ADAM12: variants seen among roughly 807,000 people sequenced by gnomAD.
The protein encoded by ADAM12 is ADAM metallopeptidase domain 12.
Under a neutral mutation model 106.4 loss-of-function variants are expected in ADAM12, and 70 were observed. The observed-to-expected ratio is 0.66, with a 90% confidence interval of 0.54 to 0.80. The LOEUF (loss-of-function observed/expected upper bound fraction) is 0.80, where lower values mean the gene tolerates loss of function less well. Among genes scored for constraint, ADAM12 ranks in the 30% least tolerant of loss-of-function variants. The pLI, the probability that ADAM12 is intolerant of heterozygous loss-of-function variation, is 0.00. For missense variants in ADAM12, 1,010 were observed against 1,171.9 expected (o/e 0.86, Z 2.02); for synonymous variants, 420 against 433.5 (o/e 0.97, Z 0.39).
chr10:126,081,562 A>C (rs1397785613), intron 11 of ADAM12, among the ~76,000 whole-genome samples: 1 of 152,204 alleles, frequency 6.6e-6, no homozygotes, highest in African/African-American at 2.4e-5. Context: ...CAGATTGGGC[A>C]GACCCAGGAG....
At chr10:126,197,494 C>T (rs1461873439) in intron 3 of ADAM12, among the ~76,000 whole-genome samples, 1 of 152,180 alleles carries the variant, frequency 6.6e-6, no homozygotes, top group East Asian at 1.9e-4. Flanking sequence ...CAGTCGTGTG[C>T]TTCCCTCCTG....
chr10:126,121,616 C>T (rs891824700), intron 5 of ADAM12, among the ~76,000 whole-genome samples: 2 of 149,402 alleles, frequency 1.3e-5, no homozygotes, highest in African/African-American at 2.5e-5. Flanking sequence ...ATACATCAAT[C>T]CTCGAGGAAT....
At chr10:126,044,013 G>A (rs367813122) in intron 17 of ADAM12, among the ~76,000 whole-genome samples, 2 of 152,116 alleles carry the variant, frequency 1.3e-5, no homozygotes, top group South Asian at 2.1e-4. Context: ...TACTGATGGC[G>A]GCCACTCCCA....
intron 5 of ADAM12, among the ~76,000 whole-genome samples, chr10:126,131,081 T>C (rs1956295016): frequency 6.6e-6 from 1 of 150,844 alleles, no homozygotes; most frequent in Admixed American, 6.6e-5. Flanking sequence ...TGTTTCTGAG[T>C]GTCCCTGGCT....
chr10:126,362,473 A>T (rs1048261899), intron 1 of ADAM12, among the ~76,000 whole-genome samples: 3 of 152,208 alleles, frequency 2.0e-5, no homozygotes, highest in Admixed American at 1.3e-4. Context: ...ATTTGAAATC[A>T]GTATGTCAAA....
chr10:126,307,888 T>G (rs1215827095), intron 2 of ADAM12, among the ~76,000 whole-genome samples: 2 of 152,246 alleles, frequency 1.3e-5, no homozygotes, highest in Non-Finnish European at 2.9e-5. Context: ...CCAGCGTGCC[T>G]GGCCCTCATG....
intron 2 of ADAM12, among the ~76,000 whole-genome samples, chr10:126,301,468 T>C (rs989261321): frequency 6.6e-6 from 1 of 152,214 alleles, no homozygotes. Context: ...TAGGTGGCAG[T>C]GCATTTAATA....
chr10:126,165,076 G>A (rs930771893), intron 3 of ADAM12, among the ~76,000 whole-genome samples: 1 of 152,120 alleles, frequency 6.6e-6, no homozygotes, highest in African/African-American at 2.4e-5. Flanking sequence ...GCAAAGCATC[G>A]CGGCCACCAC....
chr10:126,277,907 G>T (rs1214514363), intron 3 of ADAM12, among the ~76,000 whole-genome samples: 1 of 152,176 alleles, frequency 6.6e-6, no homozygotes, highest in Non-Finnish European at 1.5e-5. Context: ...TTGATTGACT[G>T]TCTTTCGTCT....
intron 10 of ADAM12, among the ~76,000 whole-genome samples, chr10:126,095,512 T>G (rs1172083938): frequency 8.6e-6 from 1 of 116,206 alleles, no homozygotes; most frequent in African/African-American, 3.4e-5. Flanking sequence ...CTAGCCTGGG[T>G]GACAGAGCGA....
rs763859487 is a variant in ADAM12, at chr10:126,364,296, A to AATAATTTTTTTTTTATAG, written c.88+23761_88+23762insCTATAAAAAAAAAATTAT. Among the ~76,000 whole-genome samples, 255 of 152,270 alleles carry AATAATTTTTTTTTTATAG rather than the reference A, an allele frequency of 1.7e-3. 6 individuals carry two copies. In the East Asian group the frequency reaches 0.043, roughly 26 times the overall value. On this transcript the variant is annotated intron_variant, in intron 1 of 22. Transcript: ENST00000448723. ...AAAGAGGAATTATTGCTGTTTGTAC[A>AATAATTTTTTTTTTATAG]CATTTTTATAGCAATTCTTTATGTT...
At chr10:126,224,135 G>A (rs938722005) in intron 3 of ADAM12, among the ~76,000 whole-genome samples, 1 of 151,844 alleles carries the variant, frequency 6.6e-6, no homozygotes, top group East Asian at 2.0e-4. Flanking sequence ...TTCCAGGTGG[G>A]TCTCTGGTGT....
intron 3 of ADAM12, among the ~76,000 whole-genome samples, chr10:126,226,023 C>T (rs1958187313): frequency 6.6e-6 from 1 of 151,734 alleles, no homozygotes; most frequent in African/African-American, 2.4e-5. Context: ...CAAAGGGCAG[C>T]AGGGACAGGC....
intron 4 of ADAM12, among the ~76,000 whole-genome samples, chr10:126,139,300 T>G (rs1001417029): frequency 6.6e-6 from 1 of 152,214 alleles, no homozygotes; most frequent in Non-Finnish European, 1.5e-5. Context: ...AAATTTTTGT[T>G]AAGCTTATGT....
chr10:126,200,073 A>G (rs1957670481), intron 3 of ADAM12, among the ~76,000 whole-genome samples: 1 of 152,164 alleles, frequency 6.6e-6, no homozygotes, highest in Admixed American at 6.5e-5. Context: ...ATGCTCTTTA[A>G]TATTCACTGT....
intron 14 of ADAM12, among the ~76,000 whole-genome samples, chr10:126,050,259 C>T (rs1954445681): frequency 6.6e-6 from 1 of 152,170 alleles, no homozygotes; most frequent in Non-Finnish European, 1.5e-5. Flanking sequence ...CCCTGGTAAT[C>T]CCTATGTACA....
In ADAM12 at chr10:126,049,698, T is replaced by C; in HGVS notation, c.1610-29A>G. ...AAACAGAAGCAGAACTGCATTTTCA[T>C]CTCCTGCAGGTGATTTTTTTTTTTT... On this transcript the variant is annotated intron_variant, in intron 14 of 22. Coordinates refer to ENST00000448723, the MANE Select transcript of ADAM12 (RefSeq NM_001288973.2). The surrounding 1 kb of genome is among the most constrained non-coding windows in gnomAD (Gnocchi z 4.4). 3 of 1,586,624 alleles carry C rather than the reference T, an allele frequency of 1.9e-6. No individual in the cohort carries two copies. Among genetic ancestry groups the C allele is most frequent in the South Asian group, 1.2e-5 (1 of 86,860 alleles).
intron 2 of ADAM12, among the ~76,000 whole-genome samples, chr10:126,292,144 A>G (rs73386709): frequency 0.017 from 2,643 of 152,196 alleles, 82 homozygotes; most frequent in African/African-American, 0.06. Context: ...CACAAGCCAC[A>G]ATCAGCAGAT....
intron 21 of ADAM12, among the ~76,000 whole-genome samples, chr10:126,035,668 G>T (rs1162303922): frequency 6.6e-6 from 1 of 152,098 alleles, no homozygotes; most frequent in East Asian, 1.9e-4. Context: ...GCATAAAAAT[G>T]AGATGATATA....
Sources: allele counts gnomAD v4.1 joint callset (sites outside exome capture counted in the v4.1 genomes callset), GRCh38; gene constraint gnomAD v4.1.1; non-coding constraint Gnocchi (gnomAD v3.1); transcripts MANE v1.5; gene names NCBI Gene and HGNC (gene_info 2026-07-23, HGNC 2026-07-21).